Variants in APP observed in about 807,000 individuals in gnomAD.
APP encodes the protein amyloid-beta precursor protein.
In APP, 31 loss-of-function variants were observed where a neutral mutation model predicts 101.4. The ratio of observed to expected loss-of-function variants is 0.31; its 90% CI spans 0.23 to 0.41. The LOEUF is 0.41. Among genes scored for constraint, APP ranks in the 10% least tolerant of loss-of-function variants. APP has a pLI of 1.00. For missense variants in APP, 839 were observed against 1,003.7 expected (o/e 0.84, Z 2.22); for synonymous variants, 366 against 364.4 (o/e 1.00, Z -0.05).
intron 5 of APP, among the ~76,000 whole-genome samples, chr21:26,047,702 G>A (rs185632312): frequency 9.4e-4 from 143 of 152,236 alleles, no homozygotes; most frequent in African/African-American, 2.7e-3. Flanking sequence ...TATACAAACC[G>A]TCTGTCTTAA....
chr21:26,114,215 T>C (rs1468773436), intron 1 of APP, among the ~76,000 whole-genome samples: 1 of 152,236 alleles, frequency 6.6e-6, no homozygotes, highest in Non-Finnish European at 1.5e-5. Flanking sequence ...GAAAGCGTTC[T>C]ACCTTCTTGT....
intron 8 of APP, among the ~76,000 whole-genome samples, chr21:25,988,562 C>T (rs140140986): frequency 1.9e-4 from 29 of 151,812 alleles, no homozygotes; most frequent in Middle Eastern, 3.4e-3. Context: ...ATTAGCTGGG[C>T]GTGGTGGCAG....
At chr21:25,972,820 T>A (rs1479373761) in intron 11 of APP, among the ~76,000 whole-genome samples, 2 of 151,908 alleles carry the variant, frequency 1.3e-5, no homozygotes, top group Non-Finnish European at 2.9e-5. Flanking sequence ...GTTTTTTTTT[T>A]AAATTTACAA....
chr21:26,145,203 G>A (rs1041356130), intron 1 of APP, among the ~76,000 whole-genome samples: 21 of 152,168 alleles, frequency 1.4e-4, no homozygotes, highest in Non-Finnish European at 4.4e-5. Flanking sequence ...CTACATTCAA[G>A]ATGTGCCAAG....
intron 17 of APP, among the ~76,000 whole-genome samples, chr21:25,887,245 A>G (rs1028849286): frequency 1.3e-5 from 2 of 152,218 alleles, no homozygotes; most frequent in African/African-American, 4.8e-5. Flanking sequence ...GCTACTAAAC[A>G]GATCCTGGGA....
chr21:26,098,767 T>TTA (rs2061999077), intron 2 of APP, among the ~76,000 whole-genome samples: 1 of 152,246 alleles, frequency 6.6e-6, no homozygotes, highest in Non-Finnish European at 1.5e-5. Flanking sequence ...AGCCAAATTC[T>TTA]TATTTCTTTT....
At chr21:25,891,245 A>C (rs1175998572) in intron 17 of APP, among the ~76,000 whole-genome samples, 1 of 151,486 alleles carries the variant, frequency 6.6e-6, no homozygotes, top group African/African-American at 2.5e-5. Context: ...AAGAGTCTGC[A>C]CTGAAAAGTC....
intron 1 of APP, among the ~76,000 whole-genome samples, chr21:26,154,850 C>CAGCT (rs2063343385): frequency 1.3e-5 from 2 of 152,212 alleles, no homozygotes; most frequent in South Asian, 4.1e-4. Context: ...TCTTCCTAGA[C>CAGCT]AGCTGCAGGT....
intron 17 of APP, among the ~76,000 whole-genome samples, chr21:25,884,736 CTA>C (rs2037212242): frequency 6.6e-6 from 1 of 152,160 alleles, no homozygotes; most frequent in East Asian, 1.9e-4. Context: ...CACAAAGCTG[CTA>C]TGTTTCTGAT....
chr21:26,160,126 C>G (rs900520133), intron 1 of APP, among the ~76,000 whole-genome samples: 1 of 152,172 alleles, frequency 6.6e-6, no homozygotes, highest in African/African-American at 2.4e-5. Flanking sequence ...CATGGCTACT[C>G]TATCATCACC....
At chr21:25,940,501 A>C (rs2040532631) in intron 13 of APP, among the ~76,000 whole-genome samples, 1 of 152,168 alleles carries the variant, frequency 6.6e-6, no homozygotes, top group Admixed American at 6.6e-5. Context: ...ATTGGCCATA[A>C]TTTTTAAAAA....
chr21:26,080,745 G>A (rs2061581258), intron 3 of APP, among the ~76,000 whole-genome samples: 1 of 150,992 alleles, frequency 6.6e-6, no homozygotes, highest in South Asian at 2.1e-4. Context: ...ACTCCAGCCT[G>A]GGCGACGAAG....
chr21:25,962,319 G>A (rs928738171), intron 11 of APP, among the ~76,000 whole-genome samples: 1 of 152,116 alleles, frequency 6.6e-6, no homozygotes, highest in African/African-American at 2.4e-5. Context: ...AGAAACATAA[G>A]ATTTACATTT....
chr21:25,976,936 T>C (rs571370682), intron 9 of APP, among the ~76,000 whole-genome samples: 24 of 152,252 alleles, frequency 1.6e-4, no homozygotes, highest in South Asian at 8.3e-4. Context: ...CCTTCTTCCT[T>C]CCACCATATA....
chr21:25,926,213 T>C (rs2039889404), intron 13 of APP, among the ~76,000 whole-genome samples: 1 of 152,192 alleles, frequency 6.6e-6, no homozygotes, highest in Non-Finnish European at 1.5e-5. Flanking sequence ...GTAGAGGGCA[T>C]CACAGGACAA....
intron 6 of APP, among the ~76,000 whole-genome samples, chr21:26,016,746 A>ATCT (rs918456426): frequency 6.6e-6 from 1 of 152,046 alleles, no homozygotes; most frequent in Non-Finnish European, 1.5e-5. Context: ...TAATTTTTGT[A>ATCT]TCTTTAGTAC....
intron 13 of APP, among the ~76,000 whole-genome samples, chr21:25,915,503 G>A (rs566092944): frequency 8.5e-5 from 13 of 152,320 alleles, no homozygotes; most frequent in Admixed American, 1.3e-4. Flanking sequence ...TCAGCCTCTC[G>A]TATTATCACA....
chr21:25,906,493 T>TA (rs1418188412), intron 14 of APP, among the ~76,000 whole-genome samples: 1 of 152,256 alleles, frequency 6.6e-6, no homozygotes, highest in Non-Finnish European at 1.5e-5. Context: ...CCCTACCAGA[T>TA]ACTACAGAAC....
intron 5 of APP, among the ~76,000 whole-genome samples, chr21:26,038,272 G>T (rs1156664252): frequency 6.6e-6 from 1 of 151,950 alleles, no homozygotes; most frequent in Non-Finnish European, 1.5e-5. Flanking sequence ...GGATAGAAGT[G>T]CTTAAGGAGC....
Sources: allele counts gnomAD v4.1 joint callset (sites outside exome capture counted in the v4.1 genomes callset), GRCh38; gene constraint gnomAD v4.1.1; transcripts MANE v1.5; gene names NCBI Gene and HGNC (gene_info 2026-07-23, HGNC 2026-07-21).